The following SEM1 variants were observed in gnomAD, a reference collection of about 807,000 sequenced individuals.
SEM1 encodes the protein 26S proteasome complex subunit SEM1.
In SEM1, 3 loss-of-function variants were observed where a neutral mutation model predicts 12.7. The observed-to-expected ratio is 0.24, with a 90% CI of 0.11 to 0.61. The LOEUF (loss-of-function observed/expected upper bound fraction) is 0.61, where lower values mean the gene tolerates loss of function less well. Ranked by LOEUF, SEM1 falls within the 20% of genes least tolerant of loss-of-function variation. The pLI, the probability that SEM1 is intolerant of heterozygous loss-of-function variation, is 0.88. For synonymous variants in SEM1, 30 were observed against 27.8 expected (o/e 1.08, Z -0.25); for missense variants, 59 against 81.3 (o/e 0.73, Z 1.06).
At chr7:96,628,085 T>G (rs1189724893) in intron 2 of SEM1, among the ~76,000 whole-genome samples, 1 of 152,068 alleles carries the variant, frequency 6.6e-6, no homozygotes, top group East Asian at 1.9e-4. Context: ...TAACTATTCT[T>G]ACTCTTTTTT....
rs569628884 is a variant in SEM1, at chr7:96,598,912, G to T, written c.171-92214C>A. ...GTGCAGTACCTCCATAATCTCTCTT[G>T]TTGAGAAAATTGCACGAGGTTTGTG... On this transcript the variant is annotated intron_variant and NMD_transcript_variant, in intron 2 of 3. Transcript: ENST00000466986. Among the ~76,000 whole-genome samples, 7 of 152,248 alleles carry T rather than the reference G, an allele frequency of 4.6e-5. No individual in the cohort carries two copies. The East Asian group carries it at 1.4e-3, about 29-fold the overall frequency.
rs187673382 is a variant in SEM1, at chr7:96,571,841, A to G, written c.171-65143T>C. Among the ~76,000 whole-genome samples, 3 of 151,704 alleles carry G rather than the reference A, an allele frequency of 2.0e-5. No individual in the cohort carries two copies. In the East Asian group the frequency reaches 5.8e-4, roughly 29 times the overall value. On this transcript the variant is annotated intron_variant and NMD_transcript_variant, in intron 2 of 3. Coordinates refer to the SEM1 transcript ENST00000466986. ...GCTAGGGAGGAGTCCCTCTTTTTCT[A>G]TTGTTGGGAATAGTTTCAGAAGGAA... is the stretch of plus-strand genomic sequence containing the variant.
chr7:96,649,682 A>G (rs1808906937), intron 2 of SEM1: 1 of 152,200 alleles, frequency 6.6e-6, no homozygotes, highest in Non-Finnish European at 1.5e-5. Context: ...CCAGTATCCC[A>G]TTGTCATCTG....
At chr7:96,638,068 G>A (rs1362816623) in intron 2 of SEM1, among the ~76,000 whole-genome samples, 1 of 151,984 alleles carries the variant, frequency 6.6e-6, no homozygotes, top group Non-Finnish European at 1.5e-5. Context: ...TCAAGCCATT[G>A]TTTGCTACTT....
At chr7:96,551,705 CAAAA>C (rs56316029) in intron 2 of SEM1, among the ~76,000 whole-genome samples, 3 of 84,074 alleles carry the variant, frequency 3.6e-5, no homozygotes, top group Non-Finnish European at 4.7e-5. Context: ...GACTCTGTCT[CAAAA>C]AAAAAAAAAA....
intron 3 of SEM1, among the ~76,000 whole-genome samples, chr7:96,501,603 C>T (rs1178265267): frequency 2.0e-5 from 3 of 152,142 alleles, no homozygotes; most frequent in African/African-American, 7.2e-5. Context: ...TCATTGAGCA[C>T]ACTGAACTAT....
chr7:96,670,546 T>C (rs930582442), downstream of SEM1, among the ~76,000 whole-genome samples: 4 of 152,134 alleles, frequency 2.6e-5, no homozygotes, highest in African/African-American at 9.6e-5. Context: ...TGTAATCAAA[T>C]ACAAAACCAT....
intron 2 of SEM1, among the ~76,000 whole-genome samples, chr7:96,510,394 C>A (rs939078178): frequency 6.6e-6 from 1 of 152,102 alleles, no homozygotes; most frequent in Admixed American, 6.6e-5. Flanking sequence ...CAAACCTGTA[C>A]AGCATGTTAC....
intron 2 of SEM1, among the ~76,000 whole-genome samples, chr7:96,557,481 G>A (rs1480602251): frequency 1.0e-5 from 1 of 100,154 alleles, no homozygotes; most frequent in East Asian, 3.2e-4. Flanking sequence ...CTGCTGGGGG[G>A]TGCCTCCCAG....
chr7:96,570,440 G>T (rs1399644863), intron 2 of SEM1, among the ~76,000 whole-genome samples: 3 of 152,012 alleles, frequency 2.0e-5, no homozygotes, highest in South Asian at 4.2e-4. Context: ...GTGAGAACAC[G>T]TGGTGTTTGG....
At chr7:96,633,715 AT>A (rs1249712959) in intron 2 of SEM1, among the ~76,000 whole-genome samples, 1 of 152,160 alleles carries the variant, frequency 6.6e-6, no homozygotes. Context: ...GACTAGAGGC[AT>A]TTATATAAAA....
At chr7:96,504,905 T>A (rs918715391) in intron 3 of SEM1, among the ~76,000 whole-genome samples, 1 of 151,782 alleles carries the variant, frequency 6.6e-6, no homozygotes, top group African/African-American at 2.4e-5. Context: ...TCCTATAGAA[T>A]CTCCTTGAGT....
chr7:96,689,030 TACA>T, intron 2 of SEM1, 64 bp from the exon 3 acceptor site: 1 of 986,420 alleles, frequency 1.0e-6, no homozygotes, highest in African/African-American at 1.6e-5. Flanking sequence ...TTAGAAACAA[TACA>T]ATAAATAAAC....
At chr7:96,493,671 A>C (rs1396871347) in intron 1 of SEM1, among the ~76,000 whole-genome samples, 1 of 152,042 alleles carries the variant, frequency 6.6e-6, no homozygotes, top group Non-Finnish European at 1.5e-5. Flanking sequence ...CTCCCCACTC[A>C]AGAATCTACA....
At chr7:96,623,819 G>C (rs543258290) in intron 2 of SEM1, among the ~76,000 whole-genome samples, 1 of 152,058 alleles carries the variant, frequency 6.6e-6, no homozygotes, top group Non-Finnish European at 1.5e-5. Flanking sequence ...AATTTTGACT[G>C]AAGTGATGTT....
chr7:96,568,660 G>A (rs1805926401), intron 2 of SEM1, among the ~76,000 whole-genome samples: 1 of 151,602 alleles, frequency 6.6e-6, no homozygotes, highest in Non-Finnish European at 1.5e-5. Flanking sequence ...TTAGTATGTT[G>A]TTTGGATTTC....
At chr7:96,499,406 T>G (rs1384758883), upstream of SEM1, among the ~76,000 whole-genome samples, 1 of 151,334 alleles carries the variant, frequency 6.6e-6, no homozygotes, top group African/African-American at 2.5e-5. Flanking sequence ...CATCCCTTTA[T>G]AAGAGCTACT....
chr7:96,585,723 C>T (rs62471426), intron 2 of SEM1, among the ~76,000 whole-genome samples: 47,177 of 152,006 alleles, frequency 0.31, 7,364 homozygotes, highest in Middle Eastern at 0.32. Flanking sequence ...GGGAGTGACC[C>T]GATTTTCCAG....
chr7:96,655,683 CA>C (rs1360836494), intron 2 of SEM1, among the ~76,000 whole-genome samples: 1 of 152,122 alleles, frequency 6.6e-6, no homozygotes, highest in Non-Finnish European at 1.5e-5. Context: ...CGATCGCTCC[CA>C]AAACTGTCCC....
Sources: gnomAD v4.1 joint callset for allele counts (sites outside exome capture counted in the v4.1 genomes callset) on GRCh38, gnomAD v4.1.1 for gene constraint, MANE v1.5 for transcripts, NCBI Gene and HGNC (gene_info 2026-07-23, HGNC 2026-07-21) for gene names.